SMOC2: variants seen among roughly 807,000 people sequenced by gnomAD.
SMOC2 encodes SPARC related modular calcium binding 2.
Under a neutral mutation model 61.4 loss-of-function variants are expected in SMOC2, and 39 were observed. The observed-to-expected ratio is 0.64, with a 90% CI of 0.49 to 0.83. The LOEUF (loss-of-function observed/expected upper bound fraction) is 0.83, where lower values mean the gene tolerates loss of function less well. SMOC2 is among the 40% of genes least tolerant of loss of function. The pLI is 0.00. For missense variants in SMOC2, 556 were observed against 592.9 expected, an observed-to-expected ratio of 0.94 and a Z score of 0.65; for synonymous variants, 247 against 239.9, an observed-to-expected ratio of 1.03 and a Z score of -0.27.
At chr6:168,461,340 G>A (rs150736329) in intron 1 of SMOC2, among the ~76,000 whole-genome samples, 14 of 152,214 alleles carry the variant, frequency 9.2e-5, no homozygotes, top group Middle Eastern at 3.4e-3. Context: ...ATTTGAGTGG[G>A]GACACAGAGC....
At chr6:168,441,692 G>A (rs1300972217) in intron 1 of SMOC2, among the ~76,000 whole-genome samples, 5 of 152,164 alleles carry the variant, frequency 3.3e-5, no homozygotes, top group African/African-American at 9.6e-5. Flanking sequence ...TCCTGCTGCG[G>A]CTGCGACGGG....
intron 4 of SMOC2, among the ~76,000 whole-genome samples, chr6:168,536,368 A>C (rs1461288018): frequency 6.6e-6 from 1 of 152,102 alleles, no homozygotes; most frequent in African/African-American, 2.4e-5. Flanking sequence ...GGCTGAGACA[A>C]AGAAGGAATA....
Position 168,663,991 on chromosome 6 carries a change from G to C in SMOC2, c.1286-83G>C, listed in dbSNP as rs1448052219. 3 of 1,159,468 alleles carry C rather than the reference G, an allele frequency of 2.6e-6. No homozygotes were observed. The East Asian group carries it at 7.3e-5, about 28-fold the overall frequency. 71.8% of individuals were successfully genotyped at this position (1,159,468 alleles called of 1,614,324 possible). Reference sequence around the variant, plus strand: ...GATAACACCTTCCTAAAGTGATGTGGACTCCTTCCTGAAATTGTGTTGAAC... The same window carrying C: ...GATAACACCTTCCTAAAGTGATGTGCACTCCTTCCTGAAATTGTGTTGAAC... On this transcript the variant is annotated intron_variant, in intron 11 of 12. Transcript: ENST00000356284.
At chr6:168,647,048 T>C (rs905603079) in intron 9 of SMOC2, among the ~76,000 whole-genome samples, 1 of 152,222 alleles carries the variant, frequency 6.6e-6, no homozygotes, top group African/African-American at 2.4e-5. Flanking sequence ...GTGTGGACTT[T>C]GAGAGGGCCT....
At chr6:168,615,787 T>A (rs1583163278) in intron 9 of SMOC2, among the ~76,000 whole-genome samples, 1 of 152,224 alleles carries the variant, frequency 6.6e-6, no homozygotes, top group East Asian at 1.9e-4. Context: ...ATCTTTTTTC[T>A]TGGGGCCCCA....
At chr6:168,451,604 T>G (rs1324412380) in intron 1 of SMOC2, among the ~76,000 whole-genome samples, 2 of 78,854 alleles carry the variant, frequency 2.5e-5, no homozygotes, top group African/African-American at 2.3e-4. Context: ...TCTCTGTCTC[T>G]CTCTCTCTCT....
chr6:168,521,371 A>G (rs1488166511), intron 2 of SMOC2, among the ~76,000 whole-genome samples: 1 of 151,120 alleles, frequency 6.6e-6, no homozygotes. Context: ...CTGGTCTTGA[A>G]CTCCTGACCT....
At chr6:168,543,912 G>A (rs958039686) in intron 5 of SMOC2, among the ~76,000 whole-genome samples, 8 of 152,098 alleles carry the variant, frequency 5.3e-5, no homozygotes, top group Non-Finnish European at 8.8e-5. Flanking sequence ...CGGGACCAAC[G>A]GCAGATGCTG....
chr6:168,521,192 A>C (rs1419839033), intron 2 of SMOC2, among the ~76,000 whole-genome samples: 12 of 152,050 alleles, frequency 7.9e-5, no homozygotes, highest in Admixed American at 4.6e-4. Context: ...TCTGTCACCC[A>C]GGCTGGAGTA....
At chr6:168,524,969 A>G (rs1352038675) in intron 2 of SMOC2, among the ~76,000 whole-genome samples, 1 of 152,274 alleles carries the variant, frequency 6.6e-6, no homozygotes, top group African/African-American at 2.4e-5. Context: ...GCATTTTGCC[A>G]TAGCCAGCAC....
intron 7 of SMOC2, among the ~76,000 whole-genome samples, chr6:168,574,854 A>G (rs1784759177): frequency 2.0e-5 from 3 of 152,148 alleles, no homozygotes; most frequent in Admixed American, 6.5e-5. Flanking sequence ...AGAGGGTGAC[A>G]TGGGGGCCGG....
chr6:168,606,765 G>T (rs58764845), intron 8 of SMOC2, among the ~76,000 whole-genome samples: 22,839 of 152,010 alleles, frequency 0.15, 2,088 homozygotes, highest in Middle Eastern at 0.3. Context: ...ACCCCCTCCC[G>T]CTGGCCTCCT....
intron 7 of SMOC2, among the ~76,000 whole-genome samples, chr6:168,579,380 C>G (rs9456213): frequency 0.35 from 53,571 of 152,138 alleles, 9,534 homozygotes; most frequent in Middle Eastern, 0.41. Context: ...GTCAGCGTCG[C>G]TTTTATTTCT....
intron 8 of SMOC2, among the ~76,000 whole-genome samples, chr6:168,601,922 A>G (rs1166887813): frequency 6.6e-6 from 1 of 152,130 alleles, no homozygotes; most frequent in Non-Finnish European, 1.5e-5. Context: ...CCTGTTTCCT[A>G]TTTCTGCCTA....
rs752015833 is a variant in SMOC2 at position 168,465,467 on chromosome 6, G to T, written c.84+24013G>T. On this transcript the variant is annotated intron_variant, in intron 1 of 12. Coordinates refer to ENST00000356284, the MANE Select transcript of SMOC2 (RefSeq NM_001166412.2). ...CTGCTAAGAAGCCATCAGATCAGCC[G>T]GAAAAAAAAAAAAGAAAAAAGAAAG... 2.7e-5 allele frequency among the ~76,000 whole-genome samples: 4 copies of T among 146,944 alleles called. No individual in the cohort carries two copies. The East Asian group carries it at 5.8e-4, about 21-fold the overall frequency.
At chr6:168,486,754 T>A (rs1194137859) in intron 1 of SMOC2, among the ~76,000 whole-genome samples, 2 of 151,968 alleles carry the variant, frequency 1.3e-5, no homozygotes, top group African/African-American at 4.8e-5. Context: ...AACGGCATTT[T>A]ACAAAACAAA....
chr6:168,653,131 T>C lies in SMOC2; in HGVS notation c.1188T>C (p.Cys396=). Residue 396 remains cysteine, a synonymous_variant, in exon 11 of 13, where the codon TGT becomes TGC. Transcript: ENST00000356284. Reference sequence around the variant, plus strand: ...GTGTGAAGAAGTTTGTTGAATACTGTGACGTGAATAATGACAAATCCATCT... The same window carrying C: ...GTGTGAAGAAGTTTGTTGAATACTGCGACGTGAATAATGACAAATCCATCT... The part of the protein sequence containing the change: ...KKCVKKFVEY[C]DVNNDKSISV... 1.2e-6 allele frequency: 2 copies of C among 1,614,206 alleles called. No homozygotes were observed. Among genetic ancestry groups the C allele is most frequent in the South Asian group, 1.1e-5 (1 of 91,084 alleles).
intron 1 of SMOC2, among the ~76,000 whole-genome samples, chr6:168,477,744 C>T (rs1211797113): frequency 6.6e-6 from 1 of 152,126 alleles, no homozygotes; most frequent in Non-Finnish European, 1.5e-5. Context: ...GGGGAAAGTA[C>T]TTTGGATGCG....
chr6:168,615,027 CAGGGCCTCTTCACAT>C (rs1267277706), intron 9 of SMOC2, among the ~76,000 whole-genome samples: 121 of 80,580 alleles, frequency 1.5e-3, no homozygotes, highest in Non-Finnish European at 2.2e-3. Context: ...ACAGCCAGCA[CAGGGCCTCTTCACAT>C]CTACAGCCAG....
Sources: gnomAD v4.1 joint callset for allele counts (sites outside exome capture counted in the v4.1 genomes callset) on GRCh38, gnomAD v4.1.1 for gene constraint, MANE v1.5 for transcripts, NCBI Gene and HGNC (gene_info 2026-07-23, HGNC 2026-07-21) for gene names.